Variants in CLNK observed in about 807,000 individuals in gnomAD.
CLNK encodes cytokine dependent hematopoietic cell linker, also known as cytokine-dependent hematopoietic cell linker.
A neutral mutation model predicts 68.6 loss-of-function variants in CLNK; 74 were observed. The observed-to-expected ratio is 1.08, with a 90% CI of 0.89 to 1.31. CLNK has a LOEUF of 1.31. CLNK is among the 50% of genes most tolerant of loss of function. The pLI, the probability that CLNK is intolerant of heterozygous loss-of-function variation, is 0.00. For synonymous variants in CLNK, 198 were observed against 172.2 expected, an observed-to-expected ratio of 1.15 and a Z score of -1.17; for missense variants, 553 against 515.3, an observed-to-expected ratio of 1.07 and a Z score of -0.71.
chr4:10,722,943 G>C, the CLNK span, among the ~76,000 whole-genome samples: 1 of 152,026 alleles, frequency 6.6e-6, no homozygotes, highest in East Asian at 1.9e-4. Flanking sequence ...CTAGATACTT[G>C]GGAGGCTGAG....
At chr4:10,511,443 A>G (rs1717579831) in intron 16 of CLNK, among the ~76,000 whole-genome samples, 1 of 152,212 alleles carries the variant, frequency 6.6e-6, no homozygotes, top group Non-Finnish European at 1.5e-5. Flanking sequence ...CTTTACAGCC[A>G]TTTCCGCTAT....
chr4:10,514,013 C>G lies in CLNK; in HGVS notation c.773-416G>C, dbSNP rs1221671382. 2.8e-5 allele frequency among the ~76,000 whole-genome samples: 3 copies of G among 106,464 alleles called. No homozygotes were observed. The Admixed American group carries it at 3.2e-4, about 11-fold the overall frequency. 69.8% of individuals were successfully genotyped at this position (106,464 alleles called of 152,430 possible). ...CCCAATGCTATCCCTCCCCCCTCCC[C>G]CCTCCCCACCACAGTCCCCAGAGTG... is the stretch of plus-strand genomic sequence containing the variant. On this transcript the variant is annotated intron_variant, in intron 15 of 18. Transcript: ENST00000226951.
intron 8 of CLNK, among the ~76,000 whole-genome samples, chr4:10,549,925 C>T (rs886908881): frequency 1.3e-5 from 2 of 152,188 alleles, no homozygotes; most frequent in African/African-American, 2.4e-5. Context: ...CACAAAGTTA[C>T]TGCTTTTGGG....
chr4:10,713,478 C>T, the CLNK span, among the ~76,000 whole-genome samples: 1 of 151,982 alleles, frequency 6.6e-6, no homozygotes, highest in Non-Finnish European at 1.5e-5. Flanking sequence ...GAGGAAGGTG[C>T]AGGGGAAGAT....
At chr4:10,634,014 GC>G (rs1722988494) in intron 2 of CLNK, among the ~76,000 whole-genome samples, 1 of 152,206 alleles carries the variant, frequency 6.6e-6, no homozygotes, top group African/African-American at 2.4e-5. Context: ...GCATAGTTAA[GC>G]CCCCTGTATA....
chr4:10,716,166 A>T, the CLNK span, among the ~76,000 whole-genome samples: 1 of 152,224 alleles, frequency 6.6e-6, no homozygotes, highest in Admixed American at 6.5e-5. Flanking sequence ...TCTTCTTTCG[A>T]ACATTAACTC....
intron 2 of CLNK, among the ~76,000 whole-genome samples, chr4:10,629,250 T>C (rs773546112): frequency 6.6e-6 from 1 of 152,192 alleles, no homozygotes; most frequent in Non-Finnish European, 1.5e-5. Flanking sequence ...TTTCGTGAGT[T>C]GATTTATCGT....
chr4:10,634,436 T>C (rs1018610943), intron 2 of CLNK, among the ~76,000 whole-genome samples: 5 of 152,092 alleles, frequency 3.3e-5, no homozygotes, highest in Non-Finnish European at 5.9e-5. Context: ...CTGAAGTTAA[T>C]TAGTTCTCTT....
the CLNK span, among the ~76,000 whole-genome samples, chr4:10,696,648 T>C: frequency 6.6e-6 from 1 of 152,170 alleles, no homozygotes; most frequent in Non-Finnish European, 1.5e-5. Flanking sequence ...GGAACACTCC[T>C]TGGGCATGAT....
intron 2 of CLNK, among the ~76,000 whole-genome samples, chr4:10,610,516 C>G (rs1404383019): frequency 6.6e-6 from 1 of 151,982 alleles, no homozygotes; most frequent in African/African-American, 2.4e-5. Flanking sequence ...TTTGATTCAG[C>G]AAGAGGAAAT....
At chr4:10,506,570 T>G (rs1292916780) in intron 17 of CLNK, among the ~76,000 whole-genome samples, 1 of 152,170 alleles carries the variant, frequency 6.6e-6, no homozygotes, top group African/African-American at 2.4e-5. Flanking sequence ...CAACAGTACT[T>G]TGGGCAAACC....
At chr4:10,711,161 C>T in the CLNK span, among the ~76,000 whole-genome samples, 5 of 152,156 alleles carry the variant, frequency 3.3e-5, no homozygotes, top group Non-Finnish European at 7.4e-5. Flanking sequence ...AAGTTATGCG[C>T]TGGTGGCCAA....
chr4:10,692,547 T>C, the CLNK span, among the ~76,000 whole-genome samples: 9 of 152,138 alleles, frequency 5.9e-5, no homozygotes, highest in Non-Finnish European at 1.3e-4. Flanking sequence ...CTCAAAATAT[T>C]TTATGACAGA....
At chr4:10,564,036 A>G (rs1399207628) in intron 7 of CLNK, among the ~76,000 whole-genome samples, 1 of 152,078 alleles carries the variant, frequency 6.6e-6, no homozygotes, top group East Asian at 1.9e-4. Context: ...ATTAAGTGTT[A>G]GCAAATGTTT....
chr4:10,693,660 C>G, the CLNK span, among the ~76,000 whole-genome samples: 1 of 152,204 alleles, frequency 6.6e-6, no homozygotes, highest in Non-Finnish European at 1.5e-5. Context: ...GGCACTTGTT[C>G]CAGCAGCCCT....
At chr4:10,734,518 A>G in the CLNK span, among the ~76,000 whole-genome samples, 157 of 152,310 alleles carry the variant, frequency 1.0e-3, no homozygotes, top group South Asian at 0.032. Context: ...GTAAAGTTGA[A>G]CAGACTCACC....
intron 1 of CLNK, among the ~76,000 whole-genome samples, chr4:10,674,307 G>A (rs1724784452): frequency 6.6e-6 from 1 of 152,194 alleles, no homozygotes; most frequent in African/African-American, 2.4e-5. Context: ...TTTTCATGAT[G>A]CCAGCTTATT....
At chr4:10,493,055 G>A (rs187638224) in intron 18 of CLNK, among the ~76,000 whole-genome samples, 7 of 152,298 alleles carry the variant, frequency 4.6e-5, no homozygotes, top group Admixed American at 2.0e-4. Context: ...GGTGGCTCAC[G>A]CCTGTAATCC....
chr4:10,687,346 G>A (rs1017413984), upstream of CLNK, among the ~76,000 whole-genome samples: 14 of 152,178 alleles, frequency 9.2e-5, no homozygotes, highest in African/African-American at 2.9e-4. Context: ...GGAGGCGAAT[G>A]TGTTCTACTC....
Sources: allele counts gnomAD v4.1 joint callset (sites outside exome capture counted in the v4.1 genomes callset), GRCh38; gene constraint gnomAD v4.1.1; transcripts MANE v1.5; gene names NCBI Gene and HGNC (gene_info 2026-07-23, HGNC 2026-07-21).